The following SNRK variants were observed in gnomAD, a reference collection of about 807,000 sequenced individuals.
SNRK encodes the protein SNF related kinase, also known as SNF-related serine/threonine-protein kinase.
Under a neutral mutation model 48.2 loss-of-function variants are expected in SNRK, and 3 were observed. The ratio of observed to expected loss-of-function variants is 0.06; its 90% confidence interval spans 0.03 to 0.16. SNRK has a LOEUF of 0.16. SNRK is among the 10% of genes least tolerant of loss of function. SNRK has a pLI of 1.00. For synonymous variants in SNRK, 376 were observed against 366.1 expected (o/e 1.03, Z -0.31); for missense variants, 627 against 976.0 (o/e 0.64, Z 4.76).
In SNRK at chr3:43,348,223, G is replaced by A; in HGVS notation, c.1964G>A (p.Gly655Asp). Residue 655 changes from glycine (G) to aspartate (D), a missense_variant, in exon 7 of 7, where the codon GGC becomes GAC. Around this residue, in one of 4 missense-constraint regions of SNRK, gnomAD observed 207 missense variants for 234.3 expected, o/e 0.88. Coordinates refer to ENST00000296088, the MANE Select transcript of SNRK (RefSeq NM_017719.5). Reference sequence around the variant, plus strand: ...CTCAAACTCATGAGCCTCTGCCTCGGCTCCCAGCTTCATGGGAGCACCAAG... The same window carrying A: ...CTCAAACTCATGAGCCTCTGCCTCGACTCCCAGCTTCATGGGAGCACCAAG... ...ESLKLMSLCLGSQLHGSTKYI... is the reference protein window; with the variant it reads ...ESLKLMSLCLDSQLHGSTKYI... 1 of 1,612,212 alleles carries A rather than the reference G, an allele frequency of 6.2e-7. No individual in the cohort carries two copies. The highest frequency in any genetic ancestry group is 2.2e-5 in the East Asian group (1 of 44,874).
intron 1 of SNRK, among the ~76,000 whole-genome samples, chr3:43,296,652 T>A (rs898648769): frequency 3.9e-5 from 6 of 152,142 alleles, no homozygotes; most frequent in Non-Finnish European, 7.3e-5. Flanking sequence ...TTGAGCATAC[T>A]GTTTTGTCCC....
intron 3 of SNRK, among the ~76,000 whole-genome samples, chr3:43,328,694 C>A (rs1252771324): frequency 2.0e-5 from 3 of 152,062 alleles, no homozygotes; most frequent in Admixed American, 6.6e-5. Context: ...TTAAAAAAAA[C>A]CTGAATTACT....
chr3:43,290,503 T>C (rs1186262087), intron 1 of SNRK, among the ~76,000 whole-genome samples: 2 of 152,212 alleles, frequency 1.3e-5, no homozygotes, highest in East Asian at 3.9e-4. Context: ...CTCCTGTGCA[T>C]TGAGTTCTTG....
At chr3:43,312,954 C>T (rs1355979053) in intron 3 of SNRK, among the ~76,000 whole-genome samples, 5 of 152,162 alleles carry the variant, frequency 3.3e-5, no homozygotes, top group Admixed American at 6.5e-5. Flanking sequence ...TTGGAATAAA[C>T]ATACTACAGA....
chr3:43,347,635 T>C lies in SNRK; in HGVS notation c.1376T>C (p.Met459Thr), dbSNP rs1477257719. 1 of 1,613,868 alleles carries C rather than the reference T, an allele frequency of 6.2e-7. No individual in the cohort carries two copies. The highest frequency in any genetic ancestry group is 1.7e-5 in the Admixed American group (1 of 60,024). ...EEEDEEDKKPMSLSTQVVLRR... is the reference protein window; with the variant it reads ...EEEDEEDKKPTSLSTQVVLRR... ...GAAGATGAGGAGGACAAGAAACCCA[T>C]GTCCCTCTCAACACAAGTGGTTTTG... is the stretch of plus-strand genomic sequence containing the variant. The change falls in exon 7 of 7, where the codon ATG becomes ACG. Residue 459 changes from methionine to threonine, a missense_variant. This residue lies in a region of SNRK where 175 missense variants were observed against 209.7 expected (regional missense o/e 0.83). Coordinates refer to ENST00000296088, the MANE Select transcript of SNRK (RefSeq NM_017719.5). This position sits in a 1 kb window ranked among gnomAD's most constrained non-coding sequence, Gnocchi z 5.4.
intron 4 of SNRK, chr3:43,333,519 G>C (rs1041630420): frequency 1.3e-5 from 2 of 151,944 alleles, no homozygotes; most frequent in African/African-American, 4.8e-5. Context: ...CTCTTAGCTC[G>C]GTCCTTAGCA....
intron 3 of SNRK, among the ~76,000 whole-genome samples, chr3:43,325,551 T>C (rs1346802190): frequency 2.0e-5 from 3 of 152,226 alleles, no homozygotes; most frequent in African/African-American, 7.2e-5. Flanking sequence ...TGATGGACAC[T>C]CCAAATTTAT....
intron 1 of SNRK, among the ~76,000 whole-genome samples, chr3:43,297,059 G>A (rs2090861606): frequency 6.6e-6 from 1 of 152,156 alleles, no homozygotes; most frequent in African/African-American, 2.4e-5. Context: ...TAAATAAAAA[G>A]GTTGCTCTAG....
intron 5 of SNRK, 168 bp downstream of exon 5, chr3:43,340,667 TTTTTTTGGTGTTTTGG>T (rs1364190752): frequency 1.2e-5 from 8 of 642,148 alleles, no homozygotes; most frequent in Non-Finnish European, 1.9e-5. Flanking sequence ...TGACACAGGT[TTTTTTTGGTGTTTTGG>T]TTTTTATGCT....
intron 3 of SNRK, among the ~76,000 whole-genome samples, chr3:43,326,938 G>C (rs544482258): frequency 6.6e-6 from 1 of 152,314 alleles, no homozygotes; most frequent in South Asian, 2.1e-4. Flanking sequence ...CTTCTAACTA[G>C]AGTATCGATA....
At chr3:43,333,203 C>T (rs1002242873) in intron 4 of SNRK, 2 of 151,772 alleles carry the variant, frequency 1.3e-5, no homozygotes, top group Admixed American at 6.6e-5. Flanking sequence ...AACCCCGTCT[C>T]TACTAAAAAT....
intron 3 of SNRK, among the ~76,000 whole-genome samples, chr3:43,305,130 CTG>C (rs1218551716): frequency 2.6e-5 from 4 of 152,030 alleles, no homozygotes; most frequent in Non-Finnish European, 5.9e-5. Context: ...TTGGGAAAAA[CTG>C]AAGTCAGACA....
intron 3 of SNRK, among the ~76,000 whole-genome samples, chr3:43,331,930 T>C (rs1293315863): frequency 6.6e-6 from 1 of 152,234 alleles, no homozygotes; most frequent in African/African-American, 2.4e-5. Flanking sequence ...AAGGCATTAA[T>C]TTGTCTCTTC....
At chr3:43,341,948 T>TTG (rs1415896742) in intron 5 of SNRK, among the ~76,000 whole-genome samples, 2 of 152,358 alleles carry the variant, frequency 1.3e-5, no homozygotes, top group East Asian at 3.9e-4. Context: ...CTTTACAGTA[T>TTG]TGACTCACAG....
intron 1 of SNRK, among the ~76,000 whole-genome samples, chr3:43,298,598 C>G (rs771731513): frequency 2.0e-5 from 3 of 152,246 alleles, no homozygotes; most frequent in Non-Finnish European, 4.4e-5. Flanking sequence ...CATTCCCTTG[C>G]ACTCCTTTTC....
intron 3 of SNRK, among the ~76,000 whole-genome samples, chr3:43,329,641 G>T (rs563604332): frequency 2.6e-5 from 4 of 152,066 alleles, no homozygotes; most frequent in African/African-American, 9.7e-5. Flanking sequence ...CAATCTTTTA[G>T]CATTTCTATA....
intron 6 of SNRK, among the ~76,000 whole-genome samples, chr3:43,344,075 AATTAAT>A (rs1360436638): frequency 1.3e-5 from 2 of 152,136 alleles, no homozygotes; most frequent in Admixed American, 1.3e-4. Context: ...AGGAATGATG[AATTAAT>A]ATATGTAAAG....
At chr3:43,339,573 A>G (rs1158257694) in intron 4 of SNRK, among the ~76,000 whole-genome samples, 1 of 151,706 alleles carries the variant, frequency 6.6e-6, no homozygotes, top group Non-Finnish European at 1.5e-5. Flanking sequence ...ATCCCAGCAC[A>G]TTGGAAGGCC....
In SNRK at chr3:43,350,906, T is replaced by C. The variant is rs2091318623; in HGVS notation, c.*2349T>C. On this transcript the variant is annotated 3_prime_UTR_variant, in exon 7 of 7. Transcript: ENST00000296088. Reference sequence around the variant, plus strand: ...TGTACTTCTGGCAATTCTATCTGTATTTAAAGATGTGACAATCTTGACACC... The same window carrying C: ...TGTACTTCTGGCAATTCTATCTGTACTTAAAGATGTGACAATCTTGACACC... The C allele has an allele frequency of 6.6e-6, 1 of 152,652 alleles. No homozygotes were observed. Among genetic ancestry groups the C allele is most frequent in the Non-Finnish European group, 1.5e-5 (1 of 68,048 alleles). The allele number at this position is 152,652 out of a possible 1,614,324, so 9.5% of individuals were successfully genotyped here. A position where few individuals can be genotyped will look rare whatever the true frequency, so the allele number is the denominator to read the frequency against.
Sources: allele counts gnomAD v4.1 joint callset (sites outside exome capture counted in the v4.1 genomes callset), GRCh38; gene constraint gnomAD v4.1.1; regional missense constraint gnomAD v4.1.1; non-coding constraint Gnocchi (gnomAD v3.1); transcripts MANE v1.5; gene names NCBI Gene and HGNC (gene_info 2026-07-23, HGNC 2026-07-21).